The following SMG6 variants were observed in gnomAD, a reference collection of about 807,000 sequenced individuals.
SMG6 encodes SMG6 nonsense mediated mRNA decay factor.
A neutral mutation model predicts 142.2 loss-of-function variants in SMG6; 66 were observed. The observed-to-expected ratio is 0.46, with a 90% CI of 0.38 to 0.57. SMG6 has a LOEUF of 0.57. Ranked by LOEUF, SMG6 falls within the 20% of genes least tolerant of loss-of-function variation. The probability of loss-of-function intolerance (pLI) is 0.00; values close to 1 mark genes in which losing one functional copy is unlikely to be tolerated. For missense variants in SMG6, 1,793 were observed against 1,832.0 expected, an observed-to-expected ratio of 0.98 and a Z score of 0.39; for synonymous variants, 779 against 702.4, an observed-to-expected ratio of 1.11 and a Z score of -1.72.
chr17:2,276,958 T>C (rs1227607432), intron 8 of SMG6, among the ~76,000 whole-genome samples: 1 of 151,486 alleles, frequency 6.6e-6, no homozygotes, highest in Non-Finnish European at 1.5e-5. Flanking sequence ...ATTTTGTATT[T>C]TTAGTAGAGA....
At position 2,292,400 on chromosome 17, in the gene SMG6, C is replaced by T. The variant is rs561419214; in HGVS notation, c.2337+152G>A. The T allele has an allele frequency of 2.1e-4, 153 of 745,908 alleles. No homozygotes were observed. In the South Asian group the frequency reaches 2.5e-3, roughly 12 times the overall value. 46.2% of individuals were successfully genotyped at this position (745,908 alleles called of 1,614,324 possible). A position where few individuals can be genotyped will look rare whatever the true frequency, so the allele number is the denominator to read the frequency against. ...GTGAGGAATCCCTGACAACTTAATT[C>T]TGAGAGTAACCGTAACAAAAGGAGT... On this transcript the variant is annotated intron_variant, in intron 6 of 18. Transcript: ENST00000263073.
intron 12 of SMG6, among the ~76,000 whole-genome samples, chr17:2,178,112 G>A (rs2071700986): frequency 6.6e-6 from 1 of 152,186 alleles, no homozygotes; most frequent in African/African-American, 2.4e-5. Context: ...CATGCCTCTT[G>A]GAAAGCCAAG....
chr17:2,125,370 C>T (rs951939392), intron 13 of SMG6, among the ~76,000 whole-genome samples: 7 of 152,150 alleles, frequency 4.6e-5, no homozygotes, highest in Non-Finnish European at 1.0e-4. Context: ...GACGTCACTA[C>T]GATCCTACGA....
chr17:2,186,577 G>C, intron 12 of SMG6, 86 bp downstream of exon 12: 1 of 1,484,856 alleles, frequency 6.7e-7, no homozygotes. Context: ...TGGGCAGAAA[G>C]AAACAGAGCA....
chr17:2,173,224 T>G, intron 12 of SMG6: 1 of 276,372 alleles, frequency 3.6e-6, no homozygotes, highest in Non-Finnish European at 7.0e-6. Context: ...CTCCCAGAAT[T>G]CCCCACTGCT....
chr17:2,264,300 C>T (rs973836959), intron 8 of SMG6, among the ~76,000 whole-genome samples: 20 of 152,210 alleles, frequency 1.3e-4, no homozygotes, highest in Non-Finnish European at 2.2e-4. Context: ...GGACTTTTCT[C>T]AGTCAACTCT....
chr17:2,299,574 C>A lies in SMG6; in HGVS notation c.1179G>T (p.Glu393Asp). 1 of 1,614,180 alleles carries A rather than the reference C, an allele frequency of 6.2e-7. No individual in the cohort carries two copies. Among genetic ancestry groups the A allele is most frequent in the Non-Finnish European group, 8.5e-7 (1 of 1,180,034 alleles). ...SSGGKGSEKQESKNPKQELRG... is the reference protein window; with the variant it reads ...SSGGKGSEKQDSKNPKQELRG... ...GAAGTTCTTGTTTCGGGTTTTTGGA[C>A]TCCTGCTTCTCAGAGCCTTTGCCCC... The change falls in exon 2 of 19, where the codon GAG becomes GAT. Residue 393 changes from glutamate (E) to aspartate (D), a missense_variant. By Grantham distance (45) the Glu-to-Asp change is conservative. Coordinates refer to ENST00000263073, the MANE Select transcript of SMG6 (RefSeq NM_017575.5). The surrounding 1 kb of genome is among the most constrained non-coding windows in gnomAD (Gnocchi z 4.3).
chr17:2,175,616 T>C (rs1255754014), intron 12 of SMG6, among the ~76,000 whole-genome samples: 2 of 152,120 alleles, frequency 1.3e-5, no homozygotes, highest in African/African-American at 2.4e-5. Flanking sequence ...ACCCACCTTG[T>C]ACCAAAACCT....
intron 13 of SMG6, chr17:2,087,498 T>G: frequency 9.5e-7 from 1 of 1,047,408 alleles, no homozygotes; most frequent in South Asian, 3.1e-5. Flanking sequence ...GGCTGGAATC[T>G]CAAGCTAAGT....
intron 12 of SMG6, among the ~76,000 whole-genome samples, chr17:2,181,870 G>A (rs555501140): frequency 4.3e-4 from 65 of 152,362 alleles, no homozygotes; most frequent in Non-Finnish European, 6.8e-4. Context: ...CTTCCTGTGT[G>A]AGCTTTCCAT....
intron 6 of SMG6, among the ~76,000 whole-genome samples, chr17:2,290,753 G>A (rs2075012394): frequency 6.6e-6 from 1 of 152,080 alleles, no homozygotes; most frequent in African/African-American, 2.4e-5. Context: ...CTTAAATAAG[G>A]GAAAAAACTC....
chr17:2,275,555 CT>C (rs1481951915), intron 8 of SMG6, among the ~76,000 whole-genome samples: 1 of 152,184 alleles, frequency 6.6e-6, no homozygotes, highest in Admixed American at 6.5e-5. Context: ...ACAATCAGAT[CT>C]AAAAAATCCT....
chr17:2,120,117 C>T (rs537861796), intron 13 of SMG6, among the ~76,000 whole-genome samples: 29 of 152,326 alleles, frequency 1.9e-4, no homozygotes, highest in Admixed American at 2.0e-4. Context: ...CTCCATACAG[C>T]GCTTAGAGGA....
Position 2,068,110 on chromosome 17 carries a change from C to T in SMG6, c.3835+668G>A, listed in dbSNP as rs1413685981. On this transcript the variant is annotated intron_variant, in intron 16 of 18. Transcript: ENST00000263073. The surrounding 1 kb of genome is among the most constrained non-coding windows in gnomAD (Gnocchi z 6.7). ...GCTCCAAGAACTAAGGGTACCCAGA[C>T]GGTCCCGTGGAGACGGCCCAGCTGG... 3.3e-5 allele frequency among the ~76,000 whole-genome samples: 5 copies of T among 152,168 alleles called. No homozygotes were observed. Among genetic ancestry groups the T allele is most frequent in the Admixed American group, 6.5e-5 (1 of 15,280 alleles).
intron 8 of SMG6, among the ~76,000 whole-genome samples, chr17:2,266,922 C>T (rs170041): frequency 0.25 from 37,553 of 151,972 alleles, 5,337 homozygotes; most frequent in East Asian, 0.58. Flanking sequence ...CTGAAAAACC[C>T]GGTTCTGGTT....
intron 13 of SMG6, among the ~76,000 whole-genome samples, chr17:2,092,142 T>C (rs1015121547): frequency 1.3e-5 from 2 of 152,228 alleles, no homozygotes; most frequent in East Asian, 1.9e-4. Flanking sequence ...CGCACTACCA[T>C]GCCTGGCTAA....
chr17:2,277,156 TATTTATTTATTTTTTA>T (rs1223353006), intron 8 of SMG6, among the ~76,000 whole-genome samples: 33 of 86,862 alleles, frequency 3.8e-4, no homozygotes, highest in South Asian at 8.7e-4. Context: ...TTTATTTATT[TATTTATTTATTTTTTA>T]TTTTTTTTTT....
At chr17:2,276,684 C>T (rs1392991833) in intron 8 of SMG6, among the ~76,000 whole-genome samples, 1 of 152,218 alleles carries the variant, frequency 6.6e-6, no homozygotes, top group Non-Finnish European at 1.5e-5. Context: ...CTGCACCTGG[C>T]CTCTGTCCAT....
intron 13 of SMG6, among the ~76,000 whole-genome samples, chr17:2,090,382 G>C (rs1386247134): frequency 6.6e-6 from 1 of 151,886 alleles, no homozygotes; most frequent in African/African-American, 2.4e-5. Context: ...TAAGCACCAG[G>C]TATCACATAC....
Sources: allele counts gnomAD v4.1 joint callset (sites outside exome capture counted in the v4.1 genomes callset), GRCh38; gene constraint gnomAD v4.1.1; non-coding constraint Gnocchi (gnomAD v3.1); transcripts MANE v1.5; gene names NCBI Gene and HGNC (gene_info 2026-07-23, HGNC 2026-07-21).